Variants in ROBO2 observed in about 807,000 individuals in gnomAD.
ROBO2 encodes roundabout guidance receptor 2.
In ROBO2, 53 loss-of-function variants were observed where a neutral mutation model predicts 160.8. The observed-to-expected ratio is 0.33, with a 90% CI of 0.26 to 0.41. The LOEUF is 0.41. Among genes scored for constraint, ROBO2 ranks in the 10% least tolerant of loss-of-function variants. The probability of loss-of-function intolerance (pLI) is 1.00; values close to 1 mark genes in which losing one functional copy is unlikely to be tolerated. For missense variants in ROBO2, 1,577 were observed against 1,722.4 expected, an observed-to-expected ratio of 0.92 and a Z score of 1.49; for synonymous variants, 664 against 611.7, an observed-to-expected ratio of 1.09 and a Z score of -1.26.
chr3:76,343,109 T>G (rs1380952398), intron 2 of ROBO2, among the ~76,000 whole-genome samples: 1 of 152,098 alleles, frequency 6.6e-6, no homozygotes, highest in African/African-American at 2.4e-5. Context: ...TCTTCTCTAG[T>G]TCAGAAATCT....
At chr3:76,551,298 A>G (rs1437420635) in intron 2 of ROBO2, among the ~76,000 whole-genome samples, 1 of 152,034 alleles carries the variant, frequency 6.6e-6, no homozygotes, top group Non-Finnish European at 1.5e-5. Context: ...TACCTACTAA[A>G]GGTCTACTCT....
chr3:76,584,035 A>C (rs962239887), intron 2 of ROBO2, among the ~76,000 whole-genome samples: 8 of 152,130 alleles, frequency 5.3e-5, no homozygotes, highest in African/African-American at 1.9e-4. Context: ...TGCCTTCTTC[A>C]AACTCTCCTC....
chr3:76,278,276 A>C (rs1257376144), intron 2 of ROBO2, among the ~76,000 whole-genome samples: 2 of 152,004 alleles, frequency 1.3e-5, no homozygotes, highest in Admixed American at 1.3e-4. Flanking sequence ...ACTAATAATA[A>C]AGAGTAGATC....
At chr3:77,603,506 T>A (rs1010295367) in intron 20 of ROBO2, among the ~76,000 whole-genome samples, 1 of 152,184 alleles carries the variant, frequency 6.6e-6, no homozygotes, top group African/African-American at 2.4e-5. Flanking sequence ...GGATTTTTTA[T>A]CTATTGAATG....
At chr3:76,608,810 A>G in intron 2 of ROBO2, among the ~76,000 whole-genome samples, 1 of 151,968 alleles carries the variant, frequency 6.6e-6, no homozygotes, top group East Asian at 1.9e-4. Context: ...AGCACCTTGT[A>G]TTTTTTAAAT....
chr3:76,437,214 A>G (rs2076721656), intron 2 of ROBO2, among the ~76,000 whole-genome samples: 1 of 152,208 alleles, frequency 6.6e-6, no homozygotes, highest in Non-Finnish European at 1.5e-5. Context: ...GAATGGAGCT[A>G]GAATTTGGTA....
At chr3:76,228,544 A>G (rs1704430291) in intron 2 of ROBO2, among the ~76,000 whole-genome samples, 1 of 152,230 alleles carries the variant, frequency 6.6e-6, no homozygotes. Context: ...GAATTATTAG[A>G]AAATGAATGA....
At chr3:76,263,947 T>C (rs1216937269) in intron 2 of ROBO2, among the ~76,000 whole-genome samples, 3 of 152,158 alleles carry the variant, frequency 2.0e-5, no homozygotes, top group Non-Finnish European at 4.4e-5. Context: ...GAAACCATCA[T>C]TGTCAGCAAA....
intron 2 of ROBO2, among the ~76,000 whole-genome samples, chr3:75,997,938 G>C (rs1474914118): frequency 6.6e-6 from 1 of 152,142 alleles, no homozygotes; most frequent in Non-Finnish European, 1.5e-5. Context: ...TTTATATGCT[G>C]TAAATTAGTC....
rs150735496 is a variant in ROBO2 at position 77,287,855 on chromosome 3, A to G, written c.388+189515A>G. On this transcript the variant is annotated intron_variant, in intron 2 of 25. Transcript: ENST00000461745. ...ACAGTCATTGTTCCTCGAAAGTTTG[A>G]ATTAAATTAACCTGAGCCTGAATGA... Among the ~76,000 whole-genome samples the G allele has an allele frequency of 6.0e-4, 92 of 152,320 alleles. 1 individual carries two copies. In the East Asian group the frequency reaches 0.017, roughly 28 times the overall value.
chr3:77,648,796 C>T (rs1380661265), exon 26 of ROBO2: 1 of 152,128 alleles, frequency 6.6e-6, no homozygotes, highest in Non-Finnish European at 1.5e-5. Flanking sequence ...TTTCTCGTTT[C>T]ATAGCCGATT....
At chr3:77,121,707 T>G (rs2150270647) in intron 2 of ROBO2, among the ~76,000 whole-genome samples, 1 of 152,212 alleles carries the variant, frequency 6.6e-6, no homozygotes, top group African/African-American at 2.4e-5. Context: ...ATATTATATA[T>G]TAGTGTTGGA....
At chr3:76,151,066 T>A (rs946848145) in intron 2 of ROBO2, among the ~76,000 whole-genome samples, 10 of 151,950 alleles carry the variant, frequency 6.6e-5, no homozygotes, top group African/African-American at 2.4e-4. Flanking sequence ...TCACTATTTT[T>A]CTTCCCCCTT....
At chr3:77,408,997 G>A (rs1441531762) in intron 2 of ROBO2, among the ~76,000 whole-genome samples, 1 of 151,628 alleles carries the variant, frequency 6.6e-6, no homozygotes. Flanking sequence ...TCCTCCCAAA[G>A]TGCTGAAATT....
At chr3:77,148,419 A>C (rs893000354) in intron 2 of ROBO2, among the ~76,000 whole-genome samples, 2 of 152,244 alleles carry the variant, frequency 1.3e-5, no homozygotes, top group African/African-American at 4.8e-5. Context: ...TTTCTGCATG[A>C]AACTTTTTTT....
intron 2 of ROBO2, among the ~76,000 whole-genome samples, chr3:76,261,705 C>T (rs545490681): frequency 3.7e-4 from 56 of 152,022 alleles, no homozygotes; most frequent in African/African-American, 1.3e-3. Context: ...CTCTCCTCAT[C>T]GTAGAAAAAA....
intron 2 of ROBO2, among the ~76,000 whole-genome samples, chr3:76,213,567 C>G (rs891186696): frequency 2.0e-5 from 3 of 152,000 alleles, no homozygotes; most frequent in Admixed American, 2.0e-4. Flanking sequence ...TGTTAATTCA[C>G]CTTTATACAT....
intron 2 of ROBO2, among the ~76,000 whole-genome samples, chr3:76,579,353 GT>G (rs1415120615): frequency 6.6e-6 from 1 of 151,922 alleles, no homozygotes; most frequent in Non-Finnish European, 1.5e-5. Context: ...TTATTTTACA[GT>G]TTACAGCTAT....
intron 2 of ROBO2, among the ~76,000 whole-genome samples, chr3:77,331,142 C>T (rs11713700): frequency 0.095 from 14,524 of 152,226 alleles, 915 homozygotes; most frequent in East Asian, 0.34. Flanking sequence ...TAGGGTATGA[C>T]AGAAGAATAT....
Sources: allele counts gnomAD v4.1 joint callset (sites outside exome capture counted in the v4.1 genomes callset), GRCh38; gene constraint gnomAD v4.1.1; transcripts MANE v1.5; gene names NCBI Gene and HGNC (gene_info 2026-07-23, HGNC 2026-07-21).